The following RPA1 variants were observed in gnomAD, a reference collection of about 807,000 sequenced individuals.
RPA1 encodes replication protein A 70 kDa DNA-binding subunit.
RPA1 carries 49 observed loss-of-function variants against 83.0 expected under a neutral mutation model. That is an observed-to-expected ratio of 0.59 (90% CI 0.47 to 0.75). The LOEUF (loss-of-function observed/expected upper bound fraction) is 0.75, where lower values mean the gene tolerates loss of function less well. Ranked by LOEUF, RPA1 falls within the 30% of genes least tolerant of loss-of-function variation. RPA1 has a pLI of 0.00. For missense variants in RPA1, 693 were observed against 776.1 expected, an observed-to-expected ratio of 0.89 and a Z score of 1.27; for synonymous variants, 279 against 281.8, an observed-to-expected ratio of 0.99 and a Z score of 0.10.
chr17:1,891,095 A>C (rs972538521), intron 14 of RPA1, among the ~76,000 whole-genome samples: 26 of 152,240 alleles, frequency 1.7e-4, no homozygotes, highest in Non-Finnish European at 2.8e-4. Context: ...TAAAATCGTC[A>C]AAATGATGCC....
At chr17:1,894,654 A>G (rs1288030571) in intron 15 of RPA1, among the ~76,000 whole-genome samples, 1 of 152,084 alleles carries the variant, frequency 6.6e-6, no homozygotes, top group Non-Finnish European at 1.5e-5. Context: ...ATTCATAGAG[A>G]CAGACGACAG....
chr17:1,879,393 A>G lies in RPA1; in HGVS notation c.938A>G (p.Lys313Arg). Reference sequence around the variant, plus strand: ...ATTGATGACCTCGAGAACAAGTCGAAAGACTCACTTGTAGGTAAGCTCGTG... The same window carrying G: ...ATTGATGACCTCGAGAACAAGTCGAGAGACTCACTTGTAGGTAAGCTCGTG... Reference protein sequence around the residue: ...TGIDDLENKSKDSLVDIIGIC... With the variant: ...TGIDDLENKSRDSLVDIIGIC... Residue 313 changes from lysine (K) to arginine (R), a missense_variant, in exon 10 of 17, where the codon AAA (lysine) becomes AGA (arginine). Coordinates refer to ENST00000254719, the MANE Select transcript of RPA1 (RefSeq NM_002945.5). The G allele has an allele frequency of 6.2e-7, 1 of 1,614,154 alleles. No individual in the cohort carries two copies. The highest frequency in any genetic ancestry group is 1.3e-5 in the African/African-American group (1 of 75,048).
chr17:1,863,736 A>T (rs1340239241), intron 5 of RPA1, among the ~76,000 whole-genome samples: 1 of 152,236 alleles, frequency 6.6e-6, no homozygotes, highest in Non-Finnish European at 1.5e-5. Flanking sequence ...AAAGTTTTCA[A>T]AACATACTTG....
rs150328234 is a variant in RPA1, at chr17:1,867,115, C to T, written c.362-5319C>T. Among the ~76,000 whole-genome samples, 260 of 152,208 alleles carry T rather than the reference C, an allele frequency of 1.7e-3. 1 individual carries two copies. The highest frequency in any genetic ancestry group is 6.0e-3 in the African/African-American group (250 of 41,530). On this transcript the variant is annotated intron_variant, in intron 5 of 16. Transcript: ENST00000254719. ...TGATGCTTTAAATTGGAGAGGGAAT[C>T]GGGTAAATTATTCGGCTAAATTATT...
chr17:1,891,969 A>G (rs745314824), intron 15 of RPA1, 29 bp downstream of exon 15: 8 of 1,458,274 alleles, frequency 5.5e-6, no homozygotes, highest in Non-Finnish European at 6.7e-6. Flanking sequence ...TATAACTTCT[A>G]TAACTTTTAA....
Position 1,884,074 on chromosome 17 carries a change from A to T in RPA1, c.1374+130A>T. On this transcript the variant is annotated intron_variant, in intron 13 of 16. Coordinates refer to ENST00000254719, the MANE Select transcript of RPA1 (RefSeq NM_002945.5). This position sits in a 1 kb window ranked among gnomAD's most constrained non-coding sequence, Gnocchi z 4.1. The stretch of plus-strand genomic sequence containing the variant: ...CCCGGGGCTGTGACCTGAGCGTGGC[A>T]TGGGGGTTGAGAATCACTGGCAGAG... The T allele has an allele frequency of 7.9e-7, 1 of 1,271,926 alleles. No homozygotes were observed. The highest frequency in any genetic ancestry group is 1.1e-6 in the Non-Finnish European group (1 of 921,420). The allele number at this position is 1,271,926 out of a possible 1,614,324, so 78.8% of individuals were successfully genotyped here.
chr17:1,860,476 A>G (rs554377665), intron 5 of RPA1, among the ~76,000 whole-genome samples: 1 of 152,224 alleles, frequency 6.6e-6, no homozygotes, highest in African/African-American at 2.4e-5. Flanking sequence ...CTAGCCGTTC[A>G]AGTTCACTAA....
At chr17:1,866,577 GA>G (rs1567815187) in intron 5 of RPA1, among the ~76,000 whole-genome samples, 1 of 152,026 alleles carries the variant, frequency 6.6e-6, no homozygotes, top group Non-Finnish European at 1.5e-5. Flanking sequence ...TCTGCCTCCC[GA>G]AGTGCTGGGA....
intron 5 of RPA1, among the ~76,000 whole-genome samples, chr17:1,870,145 A>G (rs1913323934): frequency 6.6e-6 from 1 of 152,212 alleles, no homozygotes; most frequent in African/African-American, 2.4e-5. Flanking sequence ...GTTAAAGGGT[A>G]TGATAATAGT....
intron 4 of RPA1, among the ~76,000 whole-genome samples, chr17:1,846,510 C>G (rs1446236350): frequency 6.6e-6 from 1 of 151,614 alleles, no homozygotes; most frequent in Non-Finnish European, 1.5e-5. Flanking sequence ...TTAGTAGAGA[C>G]GGGGTTTCAC....
chr17:1,845,762 C>T (rs565749843), intron 4 of RPA1, among the ~76,000 whole-genome samples: 1 of 152,080 alleles, frequency 6.6e-6, no homozygotes, highest in Non-Finnish European at 1.5e-5. Flanking sequence ...GAGACCTTGT[C>T]TCTACGAAAA....
Position 1,879,712 on chromosome 17 carries a change from A to G in RPA1, c.1092+13A>G, listed in dbSNP as rs950794110. 1.9e-6 allele frequency: 3 copies of G among 1,613,950 alleles called. No individual in the cohort carries two copies. The highest frequency in any genetic ancestry group is 1.7e-5 in the Admixed American group (1 of 60,002). On this transcript the variant is annotated intron_variant, in intron 11 of 16. Coordinates refer to ENST00000254719, the MANE Select transcript of RPA1 (RefSeq NM_002945.5). ...GTGGGGGGAAGATGTAAGTGCTGGG[A>G]TGGGGTCTTCAACACGCACAGGACC...
chr17:1,836,036 G>A (rs1359871370), intron 1 of RPA1, among the ~76,000 whole-genome samples: 2 of 152,150 alleles, frequency 1.3e-5, no homozygotes, highest in African/African-American at 2.4e-5. Context: ...GTCCAGTACT[G>A]TTCCCCAGAA....
At chr17:1,886,705 C>CA (rs1307091408) in intron 13 of RPA1, among the ~76,000 whole-genome samples, 52 of 125,446 alleles carry the variant, frequency 4.1e-4, no homozygotes, top group Non-Finnish European at 7.7e-4. Context: ...TCTTCTGCAG[C>CA]TTTTTTTTTT....
intron 4 of RPA1, among the ~76,000 whole-genome samples, chr17:1,845,180 GTGTGTGTGTGTGTGTA>G (rs1251894145): frequency 6.6e-6 from 1 of 151,790 alleles, no homozygotes; most frequent in Non-Finnish European, 1.5e-5. Context: ...GTGTGTGTGT[GTGTGTGTGTGTGTGTA>G]CAATCTTGAA....
chr17:1,865,145 G>T (rs1913130690), intron 5 of RPA1, among the ~76,000 whole-genome samples: 1 of 152,230 alleles, frequency 6.6e-6, no homozygotes, highest in African/African-American at 2.4e-5. Context: ...GTAGAGATCA[G>T]TTGATCAGTT....
At chr17:1,852,961 A>T (rs774544829) in intron 4 of RPA1, 140 bp from the exon 5 acceptor site, 35 of 663,156 alleles carry the variant, frequency 5.3e-5, no homozygotes, top group Non-Finnish European at 7.9e-5. Flanking sequence ...GCGGCGAAAG[A>T]TGAAGAGAAA....
intron 4 of RPA1, 91 bp downstream of exon 4, chr17:1,844,777 A>C (rs529376999): frequency 2.1e-6 from 2 of 933,184 alleles, no homozygotes; most frequent in African/African-American, 3.3e-5. Flanking sequence ...TCAGCTAAGA[A>C]TCTGCAGCTT....
intron 5 of RPA1, among the ~76,000 whole-genome samples, chr17:1,854,771 G>C (rs1359352058): frequency 6.6e-6 from 1 of 152,158 alleles, no homozygotes; most frequent in Admixed American, 6.5e-5. Flanking sequence ...GATTGACAAA[G>C]GGTTACTATC....
Sources: gnomAD v4.1 joint callset for allele counts (sites outside exome capture counted in the v4.1 genomes callset) on GRCh38, gnomAD v4.1.1 for gene constraint, Gnocchi (gnomAD v3.1) non-coding constraint, MANE v1.5 for transcripts, NCBI Gene and HGNC (gene_info 2026-07-23, HGNC 2026-07-21) for gene names.